Variants in MS4A1 observed in about 807,000 individuals in gnomAD.
MS4A1 encodes the protein B-lymphocyte antigen CD20.
Under a neutral mutation model 26.5 loss-of-function variants are expected in MS4A1, and 16 were observed. The ratio of observed to expected loss-of-function variants is 0.60; its 90% CI spans 0.41 to 0.92. The LOEUF (loss-of-function observed/expected upper bound fraction) is 0.92, where lower values mean the gene tolerates loss of function less well. Ranked by LOEUF, MS4A1 falls within the 40% of genes least tolerant of loss-of-function variation. The pLI, the probability that MS4A1 is intolerant of heterozygous loss-of-function variation, is 0.00. For missense variants in MS4A1, 350 were observed against 353.0 expected, an observed-to-expected ratio of 0.99 and a Z score of 0.07; for synonymous variants, 128 against 117.6, an observed-to-expected ratio of 1.09 and a Z score of -0.57.
At chr11:60,457,389 C>T (rs1257260385) in intron 1 of MS4A1, among the ~76,000 whole-genome samples, 1 of 152,016 alleles carries the variant, frequency 6.6e-6, no homozygotes, top group East Asian at 1.9e-4. Flanking sequence ...AGTTCAGGCT[C>T]AGGAAGAGCA....
rs558058784 is a variant in MS4A1 at position 60,463,797 on chromosome 11, T to C, written c.280-491T>C. The C allele has an allele frequency of 2.4e-5, 11 of 456,004 alleles. No homozygotes were observed. In the East Asian group the frequency reaches 7.0e-4, roughly 29 times the overall value. The allele number at this position is 456,004 out of a possible 1,614,324, so 28.2% of individuals were successfully genotyped here. On this transcript the variant is annotated intron_variant, in intron 4 of 7. Coordinates refer to ENST00000345732, the MANE Select transcript of MS4A1 (RefSeq NM_152866.3). ...AGAAAAGGAAGATGAGCAATAGTCATCATCACTTCCTGTAACAGCCAATGT... is the reference window on the plus strand; with the variant it reads ...AGAAAAGGAAGATGAGCAATAGTCACCATCACTTCCTGTAACAGCCAATGT...
chr11:60,462,530 G>T lies in MS4A1; in HGVS notation c.156G>T (p.Leu52Phe), dbSNP rs2086256808. Residue 52 changes from leucine to phenylalanine, a missense_variant, in exon 3 of 8, where the codon TTG (leucine) becomes TTT (phenylalanine). Physicochemically the swap from Leu to Phe is conservative, Grantham distance 22. Transcript: ENST00000345732. ...QSFFMRESKT[L>F]GAVQIMNGLF... ...TCTTCATGAGGGAATCTAAGACTTTGGGGGTAAGTCAGTTGCCTTCCATCC... is the reference window on the plus strand; with the variant it reads ...TCTTCATGAGGGAATCTAAGACTTTTGGGGTAAGTCAGTTGCCTTCCATCC... 1.9e-6 allele frequency: 3 copies of T among 1,614,036 alleles called. No individual in the cohort carries two copies. The East Asian group carries it at 6.7e-5, about 36-fold the overall frequency.
rs1208753949 is a variant in MS4A1 at position 60,468,406 on chromosome 11, AACTTTCC to A, written c.834_840del (p.Asn278LysfsTer12). ...AGAGGAAGAAGAAGAAACAGAGACG[AACTTTCC>A]AGAACCTCCCCAAGATCAGGAATCC... On this transcript the variant is annotated frameshift_variant, in exon 8 of 8. Transcript: ENST00000345732. LOFTEE classifies it high-confidence loss of function. The A allele has an allele frequency of 3.1e-6, 5 of 1,614,208 alleles. No homozygotes were observed. The highest frequency in any genetic ancestry group is 4.2e-6 in the Non-Finnish European group (5 of 1,180,022).
chr11:60,462,603 C>A, intron 3 of MS4A1, 70 bp downstream of exon 3: 2 of 1,582,956 alleles, frequency 1.3e-6, no homozygotes, highest in Non-Finnish European at 1.7e-6. Flanking sequence ...CGGTATAGGC[C>A]ACATACAGAA....
At chr11:60,466,207 G>A (rs1320276364) in intron 6 of MS4A1, 50 bp downstream of exon 6, 7 of 1,405,058 alleles carry the variant, frequency 5.0e-6, no homozygotes, top group Non-Finnish European at 7.1e-6. Flanking sequence ...AGGGAGGAAG[G>A]ATGACTTGTT....
intron 1 of MS4A1, chr11:60,458,063 G>A (rs975608617): frequency 1.3e-5 from 2 of 152,222 alleles, no homozygotes; most frequent in African/African-American, 4.8e-5. Context: ...ACCACAAGAG[G>A]AGCAAGCAAG....
At position 60,462,996 on chromosome 11, in the gene MS4A1, C is replaced by G; in HGVS notation, c.160-6C>G. On this transcript the variant is annotated splice_polypyrimidine_tract_variant and splice_region_variant and intron_variant, in intron 3 of 7. Coordinates refer to ENST00000345732, the MANE Select transcript of MS4A1 (RefSeq NM_152866.3). ...TCATCCACTGCTGCCTCTGTTCTCTCCCCAGGCTGTCCAGATTATGAATGG... is the reference window on the plus strand; with the variant it reads ...TCATCCACTGCTGCCTCTGTTCTCTGCCCAGGCTGTCCAGATTATGAATGG... 1 of 1,613,506 alleles carries G rather than the reference C, an allele frequency of 6.2e-7. No homozygotes were observed. Among genetic ancestry groups the G allele is most frequent in the Non-Finnish European group, 8.5e-7 (1 of 1,180,002 alleles).
At chr11:60,468,086 T>C (rs1440202070) in intron 7 of MS4A1, among the ~76,000 whole-genome samples, 164 bp from the exon 8 acceptor site, 1 of 152,154 alleles carries the variant, frequency 6.6e-6, no homozygotes, top group Non-Finnish European at 1.5e-5. Context: ...AATGACTTGA[T>C]AAGGATATAA....
intron 2 of MS4A1, 52 bp from the exon 3 acceptor site, chr11:60,462,133 A>T (rs1443218338): frequency 3.3e-6 from 2 of 614,802 alleles, no homozygotes; most frequent in Non-Finnish European, 6.0e-6. Flanking sequence ...ACTGGCAGGG[A>T]CTCCTGGGCC....
chr11:60,470,146 T>C lies in MS4A1; in HGVS notation c.*1678T>C, dbSNP rs922470064. The C allele has an allele frequency of 3.9e-5, 6 of 152,036 alleles. No individual in the cohort carries two copies. Among genetic ancestry groups the C allele is most frequent in the African/African-American group, 1.4e-4 (6 of 41,432 alleles). 9.4% of individuals were successfully genotyped at this position (152,036 alleles called of 1,614,324 possible). A position where few individuals can be genotyped will look rare whatever the true frequency, so the allele number is the denominator to read the frequency against. ...AGGCTCTTACAGCCTTGAGTTGATA[T>C]TTATACAACCCAAATCTAGGTTTGA... On this transcript the variant is annotated 3_prime_UTR_variant, in exon 8 of 8. Coordinates refer to ENST00000345732, the MANE Select transcript of MS4A1 (RefSeq NM_152866.3).
intron 1 of MS4A1, among the ~76,000 whole-genome samples, chr11:60,457,264 G>C (rs1363446151): frequency 6.6e-6 from 1 of 152,132 alleles, no homozygotes; most frequent in Admixed American, 6.5e-5. Flanking sequence ...TAGACCAGTG[G>C]CTCTGGTGGC....
intron 5 of MS4A1, among the ~76,000 whole-genome samples, chr11:60,465,505 A>G (rs1403737124): frequency 1.3e-5 from 2 of 152,236 alleles, no homozygotes; most frequent in Middle Eastern, 3.2e-3. Context: ...CTAAAGTGTG[A>G]TACAAGAAAC....
intron 4 of MS4A1, chr11:60,463,777 A>G: frequency 2.2e-6 from 1 of 455,622 alleles, no homozygotes; most frequent in Admixed American, 2.3e-5. Context: ...ATGTGAGAAA[A>G]GGAAGATGAG....
Position 60,468,807 on chromosome 11 carries a change from G to T in MS4A1, c.*339G>T. 7.6e-6 allele frequency: 2 copies of T among 263,464 alleles called. No homozygotes were observed. The highest frequency in any genetic ancestry group is 1.4e-5 in the Non-Finnish European group (2 of 138,054). 16.3% of individuals were successfully genotyped at this position (263,464 alleles called of 1,614,324 possible). On this transcript the variant is annotated 3_prime_UTR_variant, in exon 8 of 8. Coordinates refer to ENST00000345732, the MANE Select transcript of MS4A1 (RefSeq NM_152866.3). ...TGTCATTTTCTCCATCAACAACCAG[G>T]GAGACTGCACCTGATGGAAAAGATA...
At chr11:60,467,399 C>G (rs1041901655) in intron 7 of MS4A1, among the ~76,000 whole-genome samples, 2 of 151,778 alleles carry the variant, frequency 1.3e-5, no homozygotes, top group Admixed American at 1.3e-4. Context: ...GCCTCACCCT[C>G]CCGAGTAGCT....
intron 7 of MS4A1, among the ~76,000 whole-genome samples, chr11:60,467,372 G>T (rs1251304804): frequency 4.6e-5 from 7 of 151,528 alleles, no homozygotes; most frequent in African/African-American, 1.7e-4. Flanking sequence ...CTGCCTCCGG[G>T]TTCAGGCGAT....
intron 1 of MS4A1, among the ~76,000 whole-genome samples, chr11:60,457,699 G>A (rs933783462): frequency 1.3e-5 from 2 of 152,134 alleles, no homozygotes; most frequent in Non-Finnish European, 2.9e-5. Context: ...TCTGAGACAC[G>A]AGGCCTGAGA....
chr11:60,456,899 G>A (rs1039412858), intron 1 of MS4A1, among the ~76,000 whole-genome samples: 2 of 152,132 alleles, frequency 1.3e-5, no homozygotes, highest in African/African-American at 2.4e-5. Context: ...CCAAAGTGCT[G>A]GGATTACAGG....
intron 5 of MS4A1, 61 bp from the exon 6 acceptor site, chr11:60,465,860 C>T (rs1016073757): frequency 4.5e-6 from 6 of 1,342,346 alleles, no homozygotes; most frequent in African/African-American, 1.4e-5. Context: ...GAATTCCCTC[C>T]CAGATTATGT....
Sources: gnomAD v4.1 joint callset for allele counts (sites outside exome capture counted in the v4.1 genomes callset) on GRCh38, gnomAD v4.1.1 for gene constraint, MANE v1.5 for transcripts, NCBI Gene and HGNC (gene_info 2026-07-23, HGNC 2026-07-21) for gene names.